The following TMIGD3 variants were observed in gnomAD, a reference collection of about 807,000 sequenced individuals.
The protein encoded by TMIGD3 is AD026 protein (AD026).
Under a neutral mutation model 28.1 loss-of-function variants are expected in TMIGD3, and 21 were observed. The observed-to-expected ratio is 0.75, with a 90% CI of 0.53 to 1.08. The LOEUF (loss-of-function observed/expected upper bound fraction) is 1.08, where lower values mean the gene tolerates loss of function less well. TMIGD3 is among the 50% of genes least tolerant of loss of function. The pLI is 0.00. For missense variants in TMIGD3, 416 were observed against 435.6 expected, an observed-to-expected ratio of 0.96 and a Z score of 0.40; for synonymous variants, 151 against 162.1, an observed-to-expected ratio of 0.93 and a Z score of 0.52.
chr1:111,531,555 T>C (rs918227664), intron 1 of TMIGD3, among the ~76,000 whole-genome samples: 6 of 152,182 alleles, frequency 3.9e-5, no homozygotes, highest in African/African-American at 1.2e-4. Flanking sequence ...TTCTATCAAG[T>C]GTGTCATTTC....
At chr1:111,559,339 A>G (rs1481751497) in intron 1 of TMIGD3, among the ~76,000 whole-genome samples, 3 of 152,194 alleles carry the variant, frequency 2.0e-5, no homozygotes, top group African/African-American at 7.2e-5. Context: ...CATTAAACTA[A>G]TGTTTATTGA....
At chr1:111,544,147 A>G (rs1265259037) in intron 1 of TMIGD3, among the ~76,000 whole-genome samples, 1 of 152,192 alleles carries the variant, frequency 6.6e-6, no homozygotes, top group African/African-American at 2.4e-5. Context: ...TGTTAATGCA[A>G]TATTATTCTC....
intron 1 of TMIGD3, chr1:111,563,757 A>C: frequency 2.2e-6 from 2 of 902,700 alleles, no homozygotes; most frequent in Non-Finnish European, 1.8e-6. Flanking sequence ...CTTGCCCCAT[A>C]TCATGAATAA....
chr1:111,530,317 GTTA>G, intron 1 of TMIGD3, among the ~76,000 whole-genome samples: 1 of 151,802 alleles, frequency 6.6e-6, no homozygotes, highest in Non-Finnish European at 1.5e-5. Flanking sequence ...CCAATATAAT[GTTA>G]TTGTTTTTGT....
chr1:111,486,459 T>A, intron 4 of TMIGD3, 127 bp downstream of exon 4: 1 of 676,424 alleles, frequency 1.5e-6, no homozygotes, highest in East Asian at 2.7e-5. Context: ...ATAGTTAAGG[T>A]GGAGAAATAA....
chr1:111,556,251 C>A (rs1657487567), intron 1 of TMIGD3, among the ~76,000 whole-genome samples: 1 of 151,806 alleles, frequency 6.6e-6, no homozygotes, highest in Non-Finnish European at 1.5e-5. Context: ...TGGCTATTAC[C>A]AAAAAAACAC....
At chr1:111,528,085 G>A (rs755272134) in intron 1 of TMIGD3, among the ~76,000 whole-genome samples, 3 of 151,854 alleles carry the variant, frequency 2.0e-5, no homozygotes, top group African/African-American at 7.3e-5. Context: ...ATATCCAAAA[G>A]TCATCTAGAT....
At chr1:111,517,335 G>GA (rs1406181324) in intron 1 of TMIGD3, among the ~76,000 whole-genome samples, 411 of 137,976 alleles carry the variant, frequency 3.0e-3, no homozygotes, top group Middle Eastern at 0.014. Flanking sequence ...GTAGTCAATG[G>GA]AAAAAAAAAA....
At chr1:111,504,480 C>T (rs924509246), upstream of TMIGD3, among the ~76,000 whole-genome samples, 4 of 152,204 alleles carry the variant, frequency 2.6e-5, no homozygotes, top group Non-Finnish European at 4.4e-5. Flanking sequence ...TTCTGGGAAC[C>T]AGACACTTGC....
intron 1 of TMIGD3, among the ~76,000 whole-genome samples, chr1:111,491,525 T>C (rs7517018): frequency 0.13 from 20,486 of 152,232 alleles, 1,555 homozygotes; most frequent in Middle Eastern, 0.2. Flanking sequence ...TCAAGGGTCA[T>C]ACATAGATTG....
chr1:111,553,735 C>G (rs929896891), intron 1 of TMIGD3, among the ~76,000 whole-genome samples: 1 of 152,170 alleles, frequency 6.6e-6, no homozygotes, highest in Non-Finnish European at 1.5e-5. Flanking sequence ...TGACATTAGG[C>G]TCAAATTCCA....
At chr1:111,488,535 G>A (rs750740066) in intron 3 of TMIGD3, 142 bp downstream of exon 3, 32 of 700,986 alleles carry the variant, frequency 4.6e-5, no homozygotes, top group African/African-American at 2.5e-4. Context: ...TATGTTTGCC[G>A]GAGGAAGAGA....
At chr1:111,525,759 G>A (rs1289659808) in intron 1 of TMIGD3, among the ~76,000 whole-genome samples, 1 of 152,164 alleles carries the variant, frequency 6.6e-6, no homozygotes, top group Non-Finnish European at 1.5e-5. Flanking sequence ...AGCTACCCAG[G>A]AGGCAGAGTC....
At chr1:111,507,488 C>T (rs1031097595), upstream of TMIGD3, among the ~76,000 whole-genome samples, 2 of 152,176 alleles carry the variant, frequency 1.3e-5, no homozygotes, top group Non-Finnish European at 2.9e-5. Context: ...GCTTAATAAT[C>T]TGAGAGGCTG....
At chr1:111,509,313 C>G (rs994943692) in intron 1 of TMIGD3, among the ~76,000 whole-genome samples, 2 of 152,326 alleles carry the variant, frequency 1.3e-5, no homozygotes, top group African/African-American at 4.8e-5. Flanking sequence ...ATTTTCCCAG[C>G]CTTTGCTGGA....
chr1:111,557,332 A>C (rs1455405467), intron 1 of TMIGD3, among the ~76,000 whole-genome samples: 1 of 152,132 alleles, frequency 6.6e-6, no homozygotes, highest in African/African-American at 2.4e-5. Flanking sequence ...GCAGATCACG[A>C]GGTGAGGAGA....
intron 2 of TMIGD3, chr1:111,489,366 G>A: frequency 3.5e-6 from 1 of 282,366 alleles, no homozygotes; most frequent in South Asian, 5.4e-5. Context: ...ACAAACAGAG[G>A]AATGGCCCAT....
intron 1 of TMIGD3, chr1:111,499,802 G>T: frequency 2.7e-6 from 4 of 1,480,426 alleles, no homozygotes; most frequent in Non-Finnish European, 3.6e-6. Flanking sequence ...GAGTGGGGGA[G>T]ATATAATTGG....
chr1:111,502,962 T>A (rs1415224297), intron 1 of TMIGD3, 43 bp downstream of exon 1: 1 of 1,600,272 alleles, frequency 6.2e-7, no homozygotes, highest in Admixed American at 1.7e-5. Context: ...TAGCCTCATT[T>A]CCCAGCTGCC....
Sources: allele counts gnomAD v4.1 joint callset (sites outside exome capture counted in the v4.1 genomes callset), GRCh38; gene constraint gnomAD v4.1.1; transcripts MANE v1.5; gene names NCBI Gene and HGNC (gene_info 2026-07-23, HGNC 2026-07-21).